Variants in SNRPD1 observed in about 807,000 individuals in gnomAD.
SNRPD1 encodes the protein small nuclear ribonucleoprotein D1 polypeptide.
In SNRPD1, 1 loss-of-function variant was observed where a neutral mutation model predicts 14.4. The ratio of observed to expected loss-of-function variants is 0.07; its 90% CI spans 0.02 to 0.33. SNRPD1 has a LOEUF of 0.33. Ranked by LOEUF, SNRPD1 falls within the 10% of genes least tolerant of loss-of-function variation. The pLI, the probability that SNRPD1 is intolerant of heterozygous loss-of-function variation, is 1.00. For missense variants in SNRPD1, 52 were observed against 146.4 expected, an observed-to-expected ratio of 0.36 and a Z score of 3.33; for synonymous variants, 42 against 50.3, an observed-to-expected ratio of 0.83 and a Z score of 0.70.
chr18:21,617,934 G>C (rs1041995866), intron 1 of SNRPD1, among the ~76,000 whole-genome samples: 1 of 152,130 alleles, frequency 6.6e-6, no homozygotes, highest in Non-Finnish European at 1.5e-5. Context: ...AGCTCAGATT[G>C]AGATTGCGCT....
chr18:21,619,616 C>T lies in SNRPD1; in HGVS notation c.15-3109C>T, dbSNP rs2038982969. ...CCCAACGGGTGAAACCCTGTCTCTA[C>T]TAAAAATACAAAAATCAGCCAGGTG... On this transcript the variant is annotated intron_variant, in intron 1 of 3. Transcript: ENST00000300413. 4.0e-5 allele frequency among the ~76,000 whole-genome samples: 6 copies of T among 151,572 alleles called. No homozygotes were observed. The South Asian group carries it at 1.3e-3, about 32-fold the overall frequency.
exon 4 of SNRPD1, chr18:21,633,516 CTTTCT>C (rs2039101498): frequency 6.6e-6 from 1 of 151,896 alleles, no homozygotes; most frequent in Admixed American, 6.6e-5. Flanking sequence ...AAGAGGAGTA[CTTTCT>C]TTTCGTTTTT....
In SNRPD1 at chr18:21,631,665, C is replaced by G. The variant is rs529208852; in HGVS notation, c.*2527C>G. ...GTTAGGATGGTCTCGTTCTCCTGAC[C>G]TCATGATCTGCACGAGGCCTCCCAA... is the stretch of plus-strand genomic sequence containing the variant. On this transcript the variant is annotated 3_prime_UTR_variant, in exon 4 of 4. Coordinates refer to ENST00000300413, the MANE Select transcript of SNRPD1 (RefSeq NM_006938.4). The G allele has an allele frequency of 6.6e-6, 1 of 152,116 alleles. No individual in the cohort carries two copies. Among genetic ancestry groups the G allele is most frequent in the South Asian group, 2.1e-4 (1 of 4,820 alleles). The allele number at this position is 152,116 out of a possible 1,614,324, so 9.4% of individuals were successfully genotyped here.
chr18:21,622,427 A>C (rs781689743), intron 1 of SNRPD1, among the ~76,000 whole-genome samples: 1 of 152,172 alleles, frequency 6.6e-6, no homozygotes, highest in African/African-American at 2.4e-5. Context: ...GGCGTGAGCC[A>C]CCACGCCTGG....
intron 1 of SNRPD1, among the ~76,000 whole-genome samples, chr18:21,613,247 A>C (rs2038932387): frequency 6.6e-6 from 1 of 152,192 alleles, no homozygotes; most frequent in South Asian, 2.1e-4. Context: ...AATAATTCTA[A>C]ACTACCTGCA....
At position 21,621,680 on chromosome 18, in the gene SNRPD1, C is replaced by T. The variant is rs1022958774; in HGVS notation, c.15-1045C>T. Among the ~76,000 whole-genome samples, 3 of 152,034 alleles carry T rather than the reference C, an allele frequency of 2.0e-5. No homozygotes were observed. In the East Asian group the frequency reaches 5.8e-4, roughly 29 times the overall value. On this transcript the variant is annotated intron_variant, in intron 1 of 3. Transcript: ENST00000300413. ...GCAATCTCTGCCTCCCAGGTTTAAG[C>T]GATTCTCCTGCCTCAGCCTTCTGAG...
chr18:21,612,997 C>A (rs955299147), intron 1 of SNRPD1, among the ~76,000 whole-genome samples: 3 of 152,146 alleles, frequency 2.0e-5, no homozygotes, highest in African/African-American at 7.2e-5. Flanking sequence ...GCCACCGTGC[C>A]CGGCCGATTT....
At chr18:21,622,367 C>T (rs1470532980) in intron 1 of SNRPD1, among the ~76,000 whole-genome samples, 1 of 152,100 alleles carries the variant, frequency 6.6e-6, no homozygotes, top group Non-Finnish European at 1.5e-5. Context: ...ATCTCGATCT[C>T]CTGACCTCGT....
intron 1 of SNRPD1, among the ~76,000 whole-genome samples, chr18:21,615,617 CA>C (rs530442990): frequency 8.4e-6 from 1 of 119,136 alleles, no homozygotes; most frequent in African/African-American, 3.2e-5. Context: ...GACTCCGTCT[CA>C]AAAAAAAAGA....
intron 1 of SNRPD1, among the ~76,000 whole-genome samples, chr18:21,613,420 T>C (rs2038934328): frequency 6.6e-6 from 1 of 152,216 alleles, no homozygotes; most frequent in South Asian, 2.1e-4. Flanking sequence ...TGTTACATAC[T>C]AGGCGCTGGT....
At chr18:21,625,508 G>T (rs924239569) in intron 3 of SNRPD1, among the ~76,000 whole-genome samples, 1 of 151,668 alleles carries the variant, frequency 6.6e-6, no homozygotes, top group Non-Finnish European at 1.5e-5. Flanking sequence ...TAGAGGTGGG[G>T]TTTCATCCTG....
intron 1 of SNRPD1, among the ~76,000 whole-genome samples, chr18:21,615,620 A>G (rs1245756314): frequency 1.3e-5 from 2 of 152,178 alleles, no homozygotes; most frequent in Non-Finnish European, 2.9e-5. Flanking sequence ...TCCGTCTCAA[A>G]AAAAAAGAAA....
At position 21,630,902 on chromosome 18, in the gene SNRPD1, G is replaced by T; in HGVS notation, c.*1764G>T. 1 of 148,104 alleles carries T rather than the reference G, an allele frequency of 6.8e-6. No individual in the cohort carries two copies. The highest frequency in any genetic ancestry group is 2.1e-4 in the South Asian group (1 of 4,748). The allele number at this position is 148,104 out of a possible 1,614,324, so 9.2% of individuals were successfully genotyped here. ...TATTAGATATATAAATGTATATATT[G>T]GTATAAATAAATACTAGATATATAT... On this transcript the variant is annotated 3_prime_UTR_variant, in exon 4 of 4. Coordinates refer to ENST00000300413, the MANE Select transcript of SNRPD1 (RefSeq NM_006938.4).
rs1479952809 is a variant in SNRPD1, at chr18:21,622,650, T to G, written c.15-75T>G. The G allele has an allele frequency of 8.3e-6, 6 of 723,830 alleles. No individual in the cohort carries two copies. The Admixed American group carries it at 1.4e-4, about 17-fold the overall frequency. The allele number at this position is 723,830 out of a possible 1,614,324, so 44.8% of individuals were successfully genotyped here. Reference sequence around the variant, plus strand: ...CATCTAGCAAATTTTCAACATCGAGTTGTTTCACCCTTTCACCTTAATAAA... The same window carrying G: ...CATCTAGCAAATTTTCAACATCGAGGTGTTTCACCCTTTCACCTTAATAAA... On this transcript the variant is annotated intron_variant, in intron 1 of 3. Transcript: ENST00000300413.
chr18:21,621,367 G>C (rs2038996678), intron 1 of SNRPD1, among the ~76,000 whole-genome samples: 1 of 152,084 alleles, frequency 6.6e-6, no homozygotes, highest in Non-Finnish European at 1.5e-5. Flanking sequence ...TTTCCATATA[G>C]TGGAATACTT....
chr18:21,621,750 G>T (rs1340663052), intron 1 of SNRPD1, among the ~76,000 whole-genome samples: 1 of 151,714 alleles, frequency 6.6e-6, no homozygotes, highest in African/African-American at 2.4e-5. Context: ...GCTAATTTTT[G>T]TGTTTTTGTA....
intron 1 of SNRPD1, among the ~76,000 whole-genome samples, chr18:21,616,227 C>T (rs1378098659): frequency 6.6e-6 from 1 of 152,102 alleles, no homozygotes; most frequent in African/African-American, 2.4e-5. Flanking sequence ...CCTCGTGATC[C>T]GCCCGCCTTG....
At position 21,612,453 on chromosome 18, in the gene SNRPD1, T is replaced by A. The variant is rs747801533; in HGVS notation, c.14+10T>A. The A allele has an allele frequency of 6.5e-7, 1 of 1,531,478 alleles. No individual in the cohort carries two copies. Among genetic ancestry groups the A allele is most frequent in the Non-Finnish European group, 8.9e-7 (1 of 1,128,278 alleles). 94.9% of individuals were successfully genotyped at this position (1,531,478 alleles called of 1,614,324 possible). On this transcript the variant is annotated intron_variant, in intron 1 of 3. Coordinates refer to ENST00000300413, the MANE Select transcript of SNRPD1 (RefSeq NM_006938.4). ...GGATGAAGCTCGTGAGGTGAGGGAG[T>A]GACCAAGCAGCTCTGGGGGCTGTGA...
At chr18:21,627,202 GA>G (rs1184974669) in intron 3 of SNRPD1, among the ~76,000 whole-genome samples, 1 of 152,072 alleles carries the variant, frequency 6.6e-6, no homozygotes, top group African/African-American at 2.4e-5. Context: ...CCGAGAGGCG[GA>G]GATTGCAGTG....
Sources: allele counts gnomAD v4.1 joint callset (sites outside exome capture counted in the v4.1 genomes callset), GRCh38; gene constraint gnomAD v4.1.1; transcripts MANE v1.5; gene names NCBI Gene and HGNC (gene_info 2026-07-23, HGNC 2026-07-21).